The following CTNNA3 variants were observed in gnomAD, a reference collection of about 807,000 sequenced individuals.
The protein encoded by CTNNA3 is catenin alpha 3, also known as catenin alpha-3.
Under a neutral mutation model 95.7 loss-of-function variants are expected in CTNNA3, and 76 were observed. The ratio of observed to expected loss-of-function variants is 0.79; its 90% CI spans 0.66 to 0.96. CTNNA3 has a LOEUF of 0.96. CTNNA3 is among the 40% of genes least tolerant of loss of function. The pLI is 0.00. For synonymous variants in CTNNA3, 431 were observed against 374.4 expected (o/e 1.15, Z -1.74); for missense variants, 1,191 against 1,089.8 (o/e 1.09, Z -1.31).
At chr10:66,635,377 T>A (rs887533144) in intron 9 of CTNNA3, among the ~76,000 whole-genome samples, 5 of 152,122 alleles carry the variant, frequency 3.3e-5, no homozygotes, top group African/African-American at 1.2e-4. Context: ...AATAGGATCA[T>A]TGTGGAAAGG....
At chr10:66,931,968 CAA>C (rs1847424325) in intron 7 of CTNNA3, among the ~76,000 whole-genome samples, 1 of 152,052 alleles carries the variant, frequency 6.6e-6, no homozygotes, top group South Asian at 2.1e-4. Context: ...AATATTATAT[CAA>C]AAGAGTCAGC....
intron 5 of CTNNA3, among the ~76,000 whole-genome samples, chr10:67,400,709 A>G (rs1844884760): frequency 6.6e-6 from 1 of 152,348 alleles, no homozygotes; most frequent in South Asian, 2.1e-4. Flanking sequence ...TGCTATTGGC[A>G]GTTATTAGAT....
upstream of CTNNA3, among the ~76,000 whole-genome samples, chr10:67,696,677 A>T (rs1360176413): frequency 8.6e-5 from 13 of 151,886 alleles, no homozygotes; most frequent in Non-Finnish European, 1.8e-4. Context: ...TTTACCAAAA[A>T]CTCAATAGGT....
chr10:67,097,846 G>C, intron 7 of CTNNA3: 1 of 1,526,458 alleles, frequency 6.6e-7, no homozygotes, highest in Non-Finnish European at 9.1e-7. Flanking sequence ...TAACCTCAAG[G>C]ACAAAATGAG....
intron 7 of CTNNA3, among the ~76,000 whole-genome samples, chr10:67,074,049 T>C (rs1244077936): frequency 6.8e-6 from 1 of 147,684 alleles, no homozygotes; most frequent in Non-Finnish European, 1.5e-5. Flanking sequence ...TTTTTTTTTT[T>C]TTTTTGAGAC....
intron 16 of CTNNA3, among the ~76,000 whole-genome samples, chr10:65,973,276 T>C (rs532255811): frequency 6.6e-6 from 1 of 152,290 alleles, no homozygotes; most frequent in African/African-American, 2.4e-5. Context: ...AACATCATTC[T>C]GGACATCAGT....
At chr10:66,416,058 G>A (rs1266205351) in intron 11 of CTNNA3, among the ~76,000 whole-genome samples, 1 of 151,680 alleles carries the variant, frequency 6.6e-6, no homozygotes, top group East Asian at 1.9e-4. Flanking sequence ...ACAAAACAAA[G>A]GAATCAGAAA....
At chr10:66,250,545 C>A (rs1348763921) in intron 13 of CTNNA3, among the ~76,000 whole-genome samples, 1 of 152,118 alleles carries the variant, frequency 6.6e-6, no homozygotes, top group Non-Finnish European at 1.5e-5. Flanking sequence ...TATATATAAT[C>A]ACACCTACTA....
chr10:66,307,675 A>T (rs1199606690), intron 12 of CTNNA3, among the ~76,000 whole-genome samples: 1 of 152,216 alleles, frequency 6.6e-6, no homozygotes, highest in Admixed American at 6.5e-5. Context: ...GCAAACTGTG[A>T]CACTCATTAT....
At chr10:67,196,448 C>T (rs1863373963) in intron 6 of CTNNA3, among the ~76,000 whole-genome samples, 1 of 151,934 alleles carries the variant, frequency 6.6e-6, no homozygotes, top group African/African-American at 2.4e-5. Flanking sequence ...TAGAGATACT[C>T]AATATACTTA....
rs1564755780 is a variant in CTNNA3, at chr10:66,199,782, TA to T, written c.1884+80687del. Among the ~76,000 whole-genome samples the T allele has an allele frequency of 4.3e-3, 55 of 12,666 alleles. 4 individuals carry two copies. The highest frequency in any genetic ancestry group is 0.014 in the African/African-American group (52 of 3,720). 8.3% of individuals were successfully genotyped at this position (12,666 alleles called of 152,430 possible). A position where few individuals can be genotyped will look rare whatever the true frequency, so the allele number is the denominator to read the frequency against. ...ACGCCTGGCTATATATATATATATA[TA>T]TATATATATATATATATATATATTT... On this transcript the variant is annotated intron_variant, in intron 13 of 17. Coordinates refer to ENST00000433211, the MANE Select transcript of CTNNA3 (RefSeq NM_013266.4).
chr10:67,168,882 C>T (rs1861895231), intron 7 of CTNNA3, among the ~76,000 whole-genome samples: 1 of 152,106 alleles, frequency 6.6e-6, no homozygotes, highest in South Asian at 2.1e-4. Flanking sequence ...GTAGAAAACC[C>T]CATACCCATA....
At chr10:67,688,157 TG>T (rs1267839069) in intron 1 of CTNNA3, among the ~76,000 whole-genome samples, 1 of 152,222 alleles carries the variant, frequency 6.6e-6, no homozygotes, top group Non-Finnish European at 1.5e-5. Context: ...CAGGATCATC[TG>T]AAAACTTCCC....
At chr10:66,155,799 G>A (rs2084469363) in intron 13 of CTNNA3, among the ~76,000 whole-genome samples, 1 of 151,778 alleles carries the variant, frequency 6.6e-6, no homozygotes, top group South Asian at 2.1e-4. Flanking sequence ...CAAATAAAAA[G>A]TTGATACATT....
chr10:67,699,716 G>T (rs1196213227), upstream of CTNNA3, among the ~76,000 whole-genome samples: 1 of 152,234 alleles, frequency 6.6e-6, no homozygotes, highest in Non-Finnish European at 1.5e-5. Context: ...GGTGATTTCT[G>T]CATTTCCATC....
intron 13 of CTNNA3, among the ~76,000 whole-genome samples, chr10:66,240,153 A>ATATAAATGTCATATACCC (rs1241284024): frequency 4.6e-5 from 7 of 152,032 alleles, no homozygotes; most frequent in Admixed American, 1.3e-4. Flanking sequence ...ATAGCTGCTT[A>ATATAAATGTCATATACCC]GTAGGAATGT....
chr10:66,599,569 T>A (rs1163074930), intron 10 of CTNNA3, among the ~76,000 whole-genome samples: 1 of 151,900 alleles, frequency 6.6e-6, no homozygotes, highest in Non-Finnish European at 1.5e-5. Context: ...TCTGAAAAAA[T>A]ACAGTAACAC....
intron 7 of CTNNA3, among the ~76,000 whole-genome samples, chr10:66,957,706 G>C (rs1848899741): frequency 6.6e-6 from 1 of 151,788 alleles, no homozygotes; most frequent in African/African-American, 2.4e-5. Flanking sequence ...TGGCAAGGAT[G>C]GTGAAACATG....
At chr10:67,320,268 TA>T (rs1334367418) in intron 5 of CTNNA3, among the ~76,000 whole-genome samples, 1 of 152,104 alleles carries the variant, frequency 6.6e-6, no homozygotes, top group East Asian at 1.9e-4. Context: ...AAAGAAATTT[TA>T]AAGAGGAAAT....
Sources: gnomAD v4.1 joint callset for allele counts (sites outside exome capture counted in the v4.1 genomes callset) on GRCh38, gnomAD v4.1.1 for gene constraint, MANE v1.5 for transcripts, NCBI Gene and HGNC (gene_info 2026-07-23, HGNC 2026-07-21) for gene names.